HMCN2: variants seen among roughly 807,000 people sequenced by gnomAD.
HMCN2 encodes the protein hemicentin-2.
A neutral mutation model predicts 377.5 loss-of-function variants in HMCN2; 325 were observed. The observed-to-expected ratio is 0.86, with a 90% CI of 0.79 to 0.94. The LOEUF (loss-of-function observed/expected upper bound fraction) is 0.94. HMCN2 is among the 40% of genes least tolerant of loss of function. The pLI is 0.00. For missense variants in HMCN2, 4,543 were observed against 4,725.3 expected (o/e 0.96, Z 1.13); for synonymous variants, 2,007 against 2,046.8 (o/e 0.98, Z 0.53).
intron 27 of HMCN2, 40 bp downstream of exon 27, chr9:130,348,715 TTA>T: frequency 7.7e-7 from 1 of 1,298,718 alleles, no homozygotes; most frequent in Non-Finnish European, 1.0e-6. Context: ...TGGGTGGGAT[TTA>T]GGCTGGGGAC....
At chr9:130,306,370 A>G (rs1836859800) in intron 12 of HMCN2, 100 bp downstream of exon 12, 1 of 421,738 alleles carries the variant, frequency 2.4e-6, no homozygotes, top group Non-Finnish European at 5.0e-6. Flanking sequence ...TAAATGGGGA[A>G]GAGAATTTGC....
chr9:130,403,889 C>T lies in HMCN2; in HGVS notation c.12148+14C>T, dbSNP rs997450504. 2.6e-5 allele frequency: 34 copies of T among 1,286,664 alleles called. No individual in the cohort carries two copies. In the African/African-American group the frequency reaches 3.5e-4, roughly 13 times the overall value. The allele number at this position is 1,286,664 out of a possible 1,614,324, so 79.7% of individuals were successfully genotyped here. On this transcript the variant is annotated intron_variant, in intron 80 of 97. Coordinates refer to ENST00000683500, the MANE Select transcript of HMCN2 (RefSeq NM_001291815.2). ...TGGTGGTGCAAGGTGGGAGTGAGGACGGGGCCGAGGTGGGCCCTGGCAACT... is the reference window on the plus strand; with the variant it reads ...TGGTGGTGCAAGGTGGGAGTGAGGATGGGGCCGAGGTGGGCCCTGGCAACT...
chr9:130,320,150 ATGAGCAAAC>A (rs1837769443), intron 16 of HMCN2, among the ~76,000 whole-genome samples, 197 bp from the exon 17 acceptor site: 2 of 152,180 alleles, frequency 1.3e-5, no homozygotes. Context: ...CATTCCACAG[ATGAGCAAAC>A]TGAGGCTTTC....
rs770874860 is a variant in HMCN2, at chr9:130,396,102, TA to T, written c.11053+38del. Reference sequence around the variant, plus strand: ...CCGCCCCACCCCACCCTGCCCACCTTACCCCACCCTGCCCACCCCCTTAGAG... The same window carrying T: ...CCGCCCCACCCCACCCTGCCCACCTTCCCCACCCTGCCCACCCCCTTAGAG... On this transcript the variant is annotated intron_variant, in intron 72 of 97. Coordinates refer to ENST00000683500, the MANE Select transcript of HMCN2 (RefSeq NM_001291815.2). The T allele has an allele frequency of 1.2e-5, 5 of 406,174 alleles. No individual in the cohort carries two copies. The South Asian group carries it at 1.8e-4, about 14-fold the overall frequency. The allele number at this position is 406,174 out of a possible 1,614,324, so 25.2% of individuals were successfully genotyped here.
chr9:130,431,018 G>A, intron 95 of HMCN2: 1 of 421,234 alleles, frequency 2.4e-6, no homozygotes, highest in Non-Finnish European at 4.3e-6. Flanking sequence ...AGAGGGGGGT[G>A]GGGGTGGGGG....
At chr9:130,363,104 C>T in intron 40 of HMCN2, 114 bp downstream of exon 40, 1 of 868,578 alleles carries the variant, frequency 1.2e-6, no homozygotes, top group Non-Finnish European at 1.4e-6. Context: ...GGAGTGTCCA[C>T]CTGAGAACAG....
intron 46 of HMCN2, among the ~76,000 whole-genome samples, chr9:130,371,849 T>C (rs1441320287): frequency 6.6e-6 from 1 of 152,204 alleles, no homozygotes; most frequent in Non-Finnish European, 1.5e-5. Context: ...GTCCTATGTA[T>C]CTGCCCTCCA....
rs1255924402 is a variant in HMCN2, at chr9:130,360,104, G to C, written c.5774-324G>C. The stretch of plus-strand genomic sequence containing the variant: ...TCTGCTCCTGGCTGCCTCAGCCTCT[G>C]CCCACGGGGCTTCTTCTCCACCCTT... On this transcript the variant is annotated intron_variant, in intron 37 of 97. Transcript: ENST00000683500. This position sits in a 1 kb window ranked among gnomAD's most constrained non-coding sequence, Gnocchi z 4.7. Among the ~76,000 whole-genome samples, 1 of 152,152 alleles carries C rather than the reference G, an allele frequency of 6.6e-6. No homozygotes were observed. Among genetic ancestry groups the C allele is most frequent in the Non-Finnish European group, 1.5e-5 (1 of 68,028 alleles).
In HMCN2 at chr9:130,306,289, A is replaced by G. The variant is rs1035984531; in HGVS notation, c.1958+19A>G. On this transcript the variant is annotated intron_variant, in intron 12 of 97. Coordinates refer to ENST00000683500, the MANE Select transcript of HMCN2 (RefSeq NM_001291815.2). ...ACAGCAGGTGAGGGGCCCAGGACACAAATCTCAGGGACTCACAGCAGGTGG... is the reference window on the plus strand; with the variant it reads ...ACAGCAGGTGAGGGGCCCAGGACACGAATCTCAGGGACTCACAGCAGGTGG... 4.3e-6 allele frequency: 2 copies of G among 470,230 alleles called. No individual in the cohort carries two copies. The highest frequency in any genetic ancestry group is 8.8e-6 in the Non-Finnish European group (2 of 226,478). The allele number at this position is 470,230 out of a possible 1,614,324, so 29.1% of individuals were successfully genotyped here.
chr9:130,359,621 A>G (rs898920638), intron 37 of HMCN2, among the ~76,000 whole-genome samples: 1 of 152,200 alleles, frequency 6.6e-6, no homozygotes, highest in Non-Finnish European at 1.5e-5. Flanking sequence ...AGTGTGAAAC[A>G]GGCCTGCAGG....
In HMCN2 at chr9:130,398,601, A is replaced by G; in HGVS notation, c.11377A>G (p.Thr3793Ala). Residue 3793 changes from threonine to alanine, a missense_variant, in exon 75 of 98, where the codon ACC (threonine) becomes GCC (alanine). By Grantham distance (58) the Thr-to-Ala change is moderately conservative. Around this residue, in one of 5 missense-constraint regions of HMCN2, gnomAD observed 1,073 missense variants for 1,319.5 expected, o/e 0.81. Coordinates refer to ENST00000683500, the MANE Select transcript of HMCN2 (RefSeq NM_001291815.2). Reference sequence around the variant, plus strand: ...CTCCAACCTGACCCTGACCGCCCACACCCCAGCCTTGCTGCCCTGCGAGGC... The same window carrying G: ...CTCCAACCTGACCCTGACCGCCCACGCCCCAGCCTTGCTGCCCTGCGAGGC... Reference protein sequence around the residue: ...SPSNLTLTAHTPALLPCEASG... With the variant: ...SPSNLTLTAHAPALLPCEASG... The G allele has an allele frequency of 7.8e-7, 1 of 1,280,468 alleles. No homozygotes were observed. The highest frequency in any genetic ancestry group is 1.0e-6 in the Non-Finnish European group (1 of 982,342). The allele number at this position is 1,280,468 out of a possible 1,614,324, so 79.3% of individuals were successfully genotyped here. A position where few individuals can be genotyped will look rare whatever the true frequency, so the allele number is the denominator to read the frequency against.
At chr9:130,417,594 A>G (rs957895799) in intron 85 of HMCN2, among the ~76,000 whole-genome samples, 12 of 151,172 alleles carry the variant, frequency 7.9e-5, no homozygotes, top group African/African-American at 2.9e-4. Flanking sequence ...AGAGAGAGAG[A>G]GAAGAGAAGG....
chr9:130,430,640 C>T (rs1283001799), intron 95 of HMCN2, 36 bp downstream of exon 95: 15 of 1,509,198 alleles, frequency 9.9e-6, no homozygotes, highest in East Asian at 2.5e-5. Flanking sequence ...GGGACACTGC[C>T]GTTATGGGCT....
At chr9:130,301,670 C>G (rs1836523810) in intron 8 of HMCN2, among the ~76,000 whole-genome samples, 1 of 152,224 alleles carries the variant, frequency 6.6e-6, no homozygotes, top group Admixed American at 6.5e-5. Context: ...GGCAGGGAGC[C>G]TGGAGCATGA....
chr9:130,400,804 AC>A lies in HMCN2; in HGVS notation c.11629del (p.Gln3877ArgfsTer6), dbSNP rs773392971. On this transcript the variant is annotated frameshift_variant, in exon 77 of 98. Transcript: ENST00000683500. LOFTEE classifies it high-confidence loss of function. ...TVHVPPTIAD[D>X]QTDFTVTMMA... ...TTAGTGCCTCCCACCATTGCCGATG[AC>A]CAGACAGACTTCACCGTGACCATGA... The A allele has an allele frequency of 7.8e-7, 1 of 1,287,980 alleles. No individual in the cohort carries two copies. The highest frequency in any genetic ancestry group is 1.2e-5 in the South Asian group (1 of 80,676). The allele number at this position is 1,287,980 out of a possible 1,614,324, so 79.8% of individuals were successfully genotyped here.
rs1841982045 is a variant in HMCN2, at chr9:130,385,645, G to C, written c.9192G>C (p.Glu3064Asp). 1 of 1,304,222 alleles carries C rather than the reference G, an allele frequency of 7.7e-7. No individual in the cohort carries two copies. The highest frequency in any genetic ancestry group is 1.2e-5 in the South Asian group (1 of 81,018). 80.8% of individuals were successfully genotyped at this position (1,304,222 alleles called of 1,614,324 possible). A position where few individuals can be genotyped will look rare whatever the true frequency, so the allele number is the denominator to read the frequency against. Reference protein sequence around the residue: ...RVGDKAVLSCETDALPEPTVT... With the variant: ...RVGDKAVLSCDTDALPEPTVT... ...GGGACAAAGCTGTCCTGAGCTGCGA[G>C]ACAGATGCGCTCCCTGAGCCAACTG... The change falls in exon 60 of 98, where the codon GAG becomes GAC. Residue 3064 changes from glutamate to aspartate, a missense_variant. Transcript: ENST00000683500.
rs959681907 is a variant in HMCN2 at position 130,337,703 on chromosome 9, C to T, written c.3360-191C>T. On this transcript the variant is annotated intron_variant, in intron 22 of 97. Coordinates refer to ENST00000683500, the MANE Select transcript of HMCN2 (RefSeq NM_001291815.2). ...AGTCCAGTGCTCTTCTTCTCTTACA[C>T]CAGTAGGCGTGAGAACTGGCCCTGG... Among the ~76,000 whole-genome samples the T allele has an allele frequency of 3.6e-3, 548 of 151,042 alleles. 5 individuals are homozygous for T. Among genetic ancestry groups the T allele is most frequent in the African/African-American group, 0.012 (501 of 41,008 alleles).
At chr9:130,341,852 G>C in intron 24 of HMCN2, among the ~76,000 whole-genome samples, 1 of 152,114 alleles carries the variant, frequency 6.6e-6, no homozygotes, top group East Asian at 1.9e-4. Flanking sequence ...CTGGATCAGT[G>C]GTGCTAGCAG....
Position 130,382,822 on chromosome 9 carries a change from C to A in HMCN2, c.8689C>A (p.Pro2897Thr), listed in dbSNP as rs1220237972. ...GCTCCAGAATGGGCTGCCTTTCTCC[C>A]CGAGCCCACGGCTGCAGGTCCTGGA... The part of the protein sequence containing the change: ...SWLQNGLPFS[P>T]SPRLQVLEDG... Residue 2897 changes from proline to threonine, a missense_variant, in exon 56 of 98, where the codon CCG (proline) becomes ACG (threonine). Transcript: ENST00000683500. 4.1e-6 allele frequency: 4 copies of A among 985,808 alleles called. No homozygotes were observed. Among genetic ancestry groups the A allele is most frequent in the Non-Finnish European group, 4.8e-6 (4 of 829,966 alleles). The allele number at this position is 985,808 out of a possible 1,614,324, so 61.1% of individuals were successfully genotyped here.
Sources: gnomAD v4.1 joint callset for allele counts (sites outside exome capture counted in the v4.1 genomes callset) on GRCh38, gnomAD v4.1.1 for gene constraint, gnomAD v4.1.1 regional missense constraint, Gnocchi (gnomAD v3.1) non-coding constraint, MANE v1.5 for transcripts, NCBI Gene and HGNC (gene_info 2026-07-23, HGNC 2026-07-21) for gene names.